The following MYOF variants were observed in gnomAD, a reference collection of about 807,000 sequenced individuals.
The protein encoded by MYOF is myoferlin, also known as fer-1-like 3, myoferlin.
Under a neutral mutation model 284.2 loss-of-function variants are expected in MYOF, and 244 were observed. That is an observed-to-expected ratio of 0.86 (90% CI 0.77 to 0.95). The LOEUF is 0.95. MYOF is among the 40% of genes least tolerant of loss of function. The probability of loss-of-function intolerance (pLI) is 0.00; values close to 1 mark genes in which losing one functional copy is unlikely to be tolerated. For synonymous variants in MYOF, 904 were observed against 919.7 expected (o/e 0.98, Z 0.31); for missense variants, 2,496 against 2,560.6 (o/e 0.97, Z 0.54).
chr10:93,374,716 GC>G, intron 23 of MYOF, 46 bp downstream of exon 23: 1 of 1,567,292 alleles, frequency 6.4e-7, no homozygotes, highest in East Asian at 2.2e-5. Flanking sequence ...ATTTCGCAGA[GC>G]CCTTCTTCCA....
intron 16 of MYOF, among the ~76,000 whole-genome samples, chr10:93,393,764 A>G (rs1589495186): frequency 6.6e-6 from 1 of 152,018 alleles, no homozygotes; most frequent in African/African-American, 2.4e-5. Context: ...GACTATTAGC[A>G]CCCCTGCCCT....
intron 50 of MYOF, among the ~76,000 whole-genome samples, chr10:93,313,594 A>G (rs1228021844): frequency 1.3e-5 from 2 of 152,132 alleles, no homozygotes; most frequent in Admixed American, 1.3e-4. Context: ...GGTAAAGACA[A>G]TAGGTGCTTA....
At chr10:93,406,036 C>A (rs1357354836) in intron 7 of MYOF, among the ~76,000 whole-genome samples, 5 of 150,868 alleles carry the variant, frequency 3.3e-5, no homozygotes, top group Non-Finnish European at 7.4e-5. Flanking sequence ...TGGCTCACTG[C>A]AACCTCCGCC....
intron 18 of MYOF, 125 bp downstream of exon 18, chr10:93,388,905 A>G: frequency 1.6e-6 from 2 of 1,286,558 alleles, no homozygotes; most frequent in East Asian, 5.1e-5. Context: ...GTCTTTTCCT[A>G]TCTTTGCATT....
intron 2 of MYOF, among the ~76,000 whole-genome samples, chr10:93,453,124 G>T (rs2056642268): frequency 6.6e-6 from 1 of 151,976 alleles, no homozygotes; most frequent in Non-Finnish European, 1.5e-5. Flanking sequence ...CAAGTTCTCA[G>T]TCTCCTCAGT....
At chr10:93,442,041 C>CACACACACACAGAGAG (rs57700900) in intron 3 of MYOF, among the ~76,000 whole-genome samples, 2,797 of 142,512 alleles carry the variant, frequency 0.02, 34 homozygotes, top group Middle Eastern at 0.037. Context: ...CACACACACA[C>CACACACACACAGAGAG]AGAATAAACC....
intron 12 of MYOF, among the ~76,000 whole-genome samples, chr10:93,400,616 C>CT (rs1847239919): frequency 7.6e-6 from 1 of 131,700 alleles, no homozygotes; most frequent in Non-Finnish European, 1.6e-5. Flanking sequence ...GTGCAGCCTC[C>CT]TGGGGACTTG....
In MYOF at chr10:93,313,106, C is replaced by T. The variant is rs1166937905; in HGVS notation, c.5803G>A (p.Ala1935Thr). ...TGCTCAAAGAGGGAGGCTGTCTTGG[C>T]TTTAAGGGGGTTCATGGCTTTGAGG... is the stretch of plus-strand genomic sequence containing the variant. ...PDLKAMNPLK[A>T]KTASLFEQKS... Residue 1935 changes from alanine to threonine, a missense_variant, in exon 51 of 54, where the codon GCC (alanine) becomes ACC (threonine). By Grantham distance (58) the Ala-to-Thr change is moderately conservative. Coordinates refer to ENST00000359263, the MANE Select transcript of MYOF (RefSeq NM_013451.4). 6.2e-7 allele frequency: 1 copy of T among 1,614,008 alleles called. No individual in the cohort carries two copies. Among genetic ancestry groups the T allele is most frequent in the East Asian group, 2.2e-5 (1 of 44,898 alleles).
In MYOF at chr10:93,377,382, A is replaced by G; in HGVS notation, c.2049T>C (p.Pro683=). The change falls in exon 22 of 54, where the codon CCT becomes CCC. Residue 683 remains proline, a synonymous_variant. Coordinates refer to ENST00000359263, the MANE Select transcript of MYOF (RefSeq NM_013451.4). ...ALKSGIQGKI[P]ANQLAELWLK... ...GCCACAATTCAGCCAGCTGGTTTGC[A>G]GGAATTTTACCTTGTATCCCTGATT... 1 of 1,614,118 alleles carries G rather than the reference A, an allele frequency of 6.2e-7. No individual in the cohort carries two copies. The highest frequency in any genetic ancestry group is 1.6e-4 in the Middle Eastern group (1 of 6,062).
chr10:93,471,111 C>T (rs1465862703), intron 1 of MYOF, among the ~76,000 whole-genome samples: 1 of 152,044 alleles, frequency 6.6e-6, no homozygotes, highest in African/African-American at 2.4e-5. Context: ...CCTCGCCCTG[C>T]CAGTCAAATA....
At chr10:93,322,259 A>AT in intron 48 of MYOF, among the ~76,000 whole-genome samples, 1 of 152,196 alleles carries the variant, frequency 6.6e-6, no homozygotes, top group Non-Finnish European at 1.5e-5. Flanking sequence ...CTTATCTTTC[A>AT]TGTATCAAGG....
chr10:93,463,948 C>T (rs561763429), intron 1 of MYOF, among the ~76,000 whole-genome samples: 12 of 150,990 alleles, frequency 7.9e-5, no homozygotes, highest in Admixed American at 2.6e-4. Context: ...TGGTCAGCTG[C>T]GCTGGTTCAT....
At chr10:93,328,034 T>G (rs181454101) in intron 45 of MYOF, among the ~76,000 whole-genome samples, 16 of 152,258 alleles carry the variant, frequency 1.1e-4, no homozygotes, top group African/African-American at 3.6e-4. Context: ...CCTCCCAAAG[T>G]GCTGAGATTA....
At chr10:93,390,235 CAT>C (rs1470373588) in intron 17 of MYOF, among the ~76,000 whole-genome samples, 1 of 152,134 alleles carries the variant, frequency 6.6e-6, no homozygotes. Context: ...ACCCTATAGA[CAT>C]ATACTGCACA....
At chr10:93,316,600 G>A (rs1842621994) in intron 50 of MYOF, 114 bp downstream of exon 50, 1 of 919,786 alleles carries the variant, frequency 1.1e-6, no homozygotes, top group Non-Finnish European at 1.7e-6. Flanking sequence ...CCCCCCACCA[G>A]GCCCCCATTA....
At chr10:93,333,015 A>C (rs184462915) in intron 43 of MYOF, among the ~76,000 whole-genome samples, 116 of 152,306 alleles carry the variant, frequency 7.6e-4, no homozygotes, top group Middle Eastern at 3.4e-3. Flanking sequence ...TCTACCCTGC[A>C]AGCTATCAGA....
chr10:93,315,957 C>T (rs1454892427), intron 50 of MYOF, among the ~76,000 whole-genome samples: 3 of 136,218 alleles, frequency 2.2e-5, no homozygotes, highest in South Asian at 2.2e-4. Flanking sequence ...CTCGTCTGTA[C>T]TAAAAAGTGA....
Position 93,408,793 on chromosome 10 carries a change from A to C in MYOF, c.723T>G (p.Phe241Leu). 1 of 1,613,728 alleles carries C rather than the reference A, an allele frequency of 6.2e-7. No individual in the cohort carries two copies. The highest frequency in any genetic ancestry group is 8.5e-7 in the Non-Finnish European group (1 of 1,179,836). The change falls in exon 7 of 54, where the codon TTT (phenylalanine) becomes TTG (leucine). Residue 241 changes from phenylalanine (F) to leucine (L), a missense_variant. This residue lies in a region of MYOF where 2,436 missense variants were observed against 2,480.7 expected (regional missense o/e 0.98). Transcript: ENST00000359263. The stretch of plus-strand genomic sequence containing the variant: ...GCCCTCTCAACCCCTTTACCTCATC[A>C]AAAAAAGGGTTGTTTCCTCTCTTGA... The part of the protein sequence containing the change: ...TRIKRGNNPF[F>L]DELFFYNVNM...
rs532400613 is a variant in MYOF, at chr10:93,312,128, G to C, written c.5889+892C>G. On this transcript the variant is annotated intron_variant, in intron 51 of 53. Coordinates refer to ENST00000359263, the MANE Select transcript of MYOF (RefSeq NM_013451.4). ...TTTTTAAAAAGATTATGAATGTAAGGTACTTGGCATGCTGCCTGGTTCAAA... is the reference window on the plus strand; with the variant it reads ...TTTTTAAAAAGATTATGAATGTAAGCTACTTGGCATGCTGCCTGGTTCAAA... Among the ~76,000 whole-genome samples the C allele has an allele frequency of 5.3e-5, 8 of 152,302 alleles. No individual in the cohort carries two copies. In the South Asian group the frequency reaches 1.2e-3, roughly 24 times the overall value.
Sources: gnomAD v4.1 joint callset for allele counts (sites outside exome capture counted in the v4.1 genomes callset) on GRCh38, gnomAD v4.1.1 for gene constraint, gnomAD v4.1.1 regional missense constraint, MANE v1.5 for transcripts, NCBI Gene and HGNC (gene_info 2026-07-23, HGNC 2026-07-21) for gene names.